Variants in GALNT17 observed in about 807,000 individuals in gnomAD.
The protein encoded by GALNT17 is polypeptide N-acetylgalactosaminyltransferase 17.
A neutral mutation model predicts 63.7 loss-of-function variants in GALNT17; 29 were observed. The observed-to-expected ratio is 0.46, with a 90% CI of 0.34 to 0.62. The LOEUF (loss-of-function observed/expected upper bound fraction) is 0.62, where lower values mean the gene tolerates loss of function less well. Among genes scored for constraint, GALNT17 ranks in the 20% least tolerant of loss-of-function variants. The probability of loss-of-function intolerance (pLI) is 0.01; values close to 1 mark genes in which losing one functional copy is unlikely to be tolerated. For synonymous variants in GALNT17, 305 were observed against 318.3 expected (o/e 0.96, Z 0.45); for missense variants, 603 against 799.6 (o/e 0.75, Z 2.97).
intron 1 of GALNT17, among the ~76,000 whole-genome samples, chr7:71,243,292 T>A (rs1450092127): frequency 2.6e-5 from 4 of 152,206 alleles, no homozygotes; most frequent in Non-Finnish European, 4.4e-5. Context: ...ATTAAATCTC[T>A]TTTCTCTATA....
At chr7:71,465,981 G>A (rs1345219348) in intron 5 of GALNT17, among the ~76,000 whole-genome samples, 7 of 152,114 alleles carry the variant, frequency 4.6e-5, no homozygotes, top group African/African-American at 1.4e-4. Context: ...TTTTAAAGGT[G>A]TCAGACTCTC....
At chr7:71,329,907 ATATATATGTATG>A (rs1791773645) in intron 1 of GALNT17, among the ~76,000 whole-genome samples, 1 of 130,266 alleles carries the variant, frequency 7.7e-6, no homozygotes, top group South Asian at 2.6e-4. Flanking sequence ...ATATATGTAT[ATATATATGTATG>A]TGTGTGTGTG....
intron 6 of GALNT17, among the ~76,000 whole-genome samples, chr7:71,626,994 A>C (rs904155971): frequency 6.6e-6 from 1 of 152,196 alleles, no homozygotes; most frequent in African/African-American, 2.4e-5. Context: ...ACTTCCAGTC[A>C]CTTGTGACCT....
At chr7:71,705,266 T>C (rs1052341300) in intron 9 of GALNT17, among the ~76,000 whole-genome samples, 31 of 152,100 alleles carry the variant, frequency 2.0e-4, no homozygotes, top group African/African-American at 7.5e-4. Context: ...GAAAAGATGC[T>C]CAACATCTTT....
intron 5 of GALNT17, among the ~76,000 whole-genome samples, chr7:71,483,484 A>G (rs1787857214): frequency 6.6e-6 from 1 of 151,982 alleles, no homozygotes; most frequent in African/African-American, 2.4e-5. Context: ...TAAAAAAGGA[A>G]AGAAAGAAAA....
intron 5 of GALNT17, among the ~76,000 whole-genome samples, chr7:71,481,659 T>C (rs1787820366): frequency 6.6e-6 from 1 of 152,022 alleles, no homozygotes; most frequent in Non-Finnish European, 1.5e-5. Flanking sequence ...CTGCCTCCAC[T>C]TGTTGGCTGG....
intron 1 of GALNT17, among the ~76,000 whole-genome samples, chr7:71,226,968 T>C (rs1789691719): frequency 6.6e-6 from 1 of 151,922 alleles, no homozygotes; most frequent in African/African-American, 2.4e-5. Flanking sequence ...CACACTTCTT[T>C]GGAACAAAGG....
intron 9 of GALNT17, among the ~76,000 whole-genome samples, chr7:71,680,582 T>C (rs1350470447): frequency 1.5e-4 from 6 of 40,638 alleles, no homozygotes; most frequent in African/African-American, 3.8e-4. Flanking sequence ...CTCTCTCCCT[T>C]CCTCCCTCCC....
intron 6 of GALNT17, among the ~76,000 whole-genome samples, chr7:71,625,181 G>A (rs1790353959): frequency 6.6e-6 from 1 of 151,852 alleles, no homozygotes; most frequent in Non-Finnish European, 1.5e-5. Flanking sequence ...GTCTCACTCT[G>A]TTGCCCAGGC....
intron 5 of GALNT17, among the ~76,000 whole-genome samples, chr7:71,430,289 G>A (rs1050349972): frequency 1.3e-5 from 2 of 152,158 alleles, no homozygotes; most frequent in Non-Finnish European, 2.9e-5. Context: ...CATTTATTTA[G>A]CCTGAATGCA....
chr7:71,667,648 A>G (rs1033986412), intron 7 of GALNT17, among the ~76,000 whole-genome samples: 4 of 152,212 alleles, frequency 2.6e-5, no homozygotes, highest in African/African-American at 9.6e-5. Flanking sequence ...TTACAGATGA[A>G]GAAATTGAAG....
chr7:71,567,516 G>T (rs1466490982), intron 5 of GALNT17, among the ~76,000 whole-genome samples: 1 of 152,230 alleles, frequency 6.6e-6, no homozygotes, highest in Non-Finnish European at 1.5e-5. Context: ...CCAGGCTGGA[G>T]TGCAGTGGTG....
At chr7:71,210,709 A>T (rs1205894092) in intron 1 of GALNT17, among the ~76,000 whole-genome samples, 1 of 152,160 alleles carries the variant, frequency 6.6e-6, no homozygotes, top group Admixed American at 6.5e-5. Context: ...ACTCCACCCC[A>T]TGGAAGTTCA....
chr7:71,583,252 G>T (rs576764535), intron 6 of GALNT17, among the ~76,000 whole-genome samples: 1 of 152,006 alleles, frequency 6.6e-6, no homozygotes, highest in Admixed American at 6.6e-5. Context: ...ACACCACCAC[G>T]CCCGGCTAAT....
intron 5 of GALNT17, among the ~76,000 whole-genome samples, chr7:71,530,660 TG>T (rs1340431267): frequency 6.6e-6 from 1 of 152,070 alleles, no homozygotes; most frequent in Non-Finnish European, 1.5e-5. Flanking sequence ...TCCTGCCTCC[TG>T]GGTTCACACC....
At chr7:71,148,610 A>G (rs1788067821) in intron 1 of GALNT17, among the ~76,000 whole-genome samples, 2 of 152,040 alleles carry the variant, frequency 1.3e-5, no homozygotes, top group African/African-American at 2.4e-5. Context: ...ATTTAGCAAG[A>G]TTCTTGGCCA....
At chr7:71,697,496 G>GT (rs1413230869) in intron 9 of GALNT17, among the ~76,000 whole-genome samples, 2 of 152,116 alleles carry the variant, frequency 1.3e-5, no homozygotes, top group Non-Finnish European at 2.9e-5. Context: ...CTCTGGGTGC[G>GT]TAACAGGGAG....
intron 1 of GALNT17, among the ~76,000 whole-genome samples, chr7:71,290,394 G>A (rs905542477): frequency 9.9e-5 from 15 of 152,128 alleles, no homozygotes; most frequent in Non-Finnish European, 1.2e-4. Context: ...TCTGGATTGC[G>A]ATGCCGTCTT....
chr7:71,559,821 C>T (rs1305884157), intron 5 of GALNT17, among the ~76,000 whole-genome samples: 1 of 151,912 alleles, frequency 6.6e-6, no homozygotes, highest in Non-Finnish European at 1.5e-5. Context: ...GATTGCACTA[C>T]TGCACTCCAG....
Sources: allele counts gnomAD v4.1 joint callset (sites outside exome capture counted in the v4.1 genomes callset), GRCh38; gene constraint gnomAD v4.1.1; transcripts MANE v1.5; gene names NCBI Gene and HGNC (gene_info 2026-07-23, HGNC 2026-07-21).